DPH6: variants seen among roughly 807,000 people sequenced by gnomAD.
DPH6 encodes diphthamine biosynthesis 6.
DPH6 carries 33 observed loss-of-function variants against 38.2 expected under a neutral mutation model. The ratio of observed to expected loss-of-function variants is 0.86; its 90% CI spans 0.65 to 1.15. The LOEUF (loss-of-function observed/expected upper bound fraction) is 1.15, where lower values mean the gene tolerates loss of function less well. DPH6 is among the 50% of genes most tolerant of loss of function. DPH6 has a pLI of 0.00. For synonymous variants in DPH6, 108 were observed against 103.0 expected, an observed-to-expected ratio of 1.05 and a Z score of -0.30; for missense variants, 325 against 320.0, an observed-to-expected ratio of 1.02 and a Z score of -0.12.
At chr15:35,469,546 T>C (rs1015363344) in intron 3 of DPH6, among the ~76,000 whole-genome samples, 4 of 152,182 alleles carry the variant, frequency 2.6e-5, no homozygotes, top group Admixed American at 1.3e-4. Flanking sequence ...TCTGGTGTTA[T>C]ATGGCCGAGA....
chr15:35,303,319 T>C (rs1000036343), intron 3 of DPH6, among the ~76,000 whole-genome samples: 3 of 151,626 alleles, frequency 2.0e-5, no homozygotes, highest in African/African-American at 7.2e-5. Context: ...TTATTAAATA[T>C]AAAATATTTT....
At chr15:35,474,086 A>G (rs1231454161) in intron 3 of DPH6, among the ~76,000 whole-genome samples, 3 of 152,110 alleles carry the variant, frequency 2.0e-5, no homozygotes, top group African/African-American at 7.2e-5. Context: ...ACCTATGAAC[A>G]TTGTGAATTT....
At chr15:35,291,559 C>T (rs574935994) in intron 3 of DPH6, among the ~76,000 whole-genome samples, 2 of 152,174 alleles carry the variant, frequency 1.3e-5, no homozygotes, top group African/African-American at 4.8e-5. Flanking sequence ...ATATTTTATG[C>T]TCATTTGGAT....
chr15:35,502,453 T>C (rs540617604), intron 3 of DPH6, among the ~76,000 whole-genome samples: 410 of 152,212 alleles, frequency 2.7e-3, no homozygotes, highest in Non-Finnish European at 4.7e-3. Context: ...TTCAGAGTTC[T>C]GTTTGTTTTA....
At chr15:35,262,706 A>AAAAAAAAAAAAAAAAAAG (rs2051756753) in intron 3 of DPH6, among the ~76,000 whole-genome samples, 1 of 3,566 alleles carries the variant, frequency 2.8e-4, no homozygotes, top group African/African-American at 4.8e-4. Flanking sequence ...ACTCCGTCTC[A>AAAAAAAAAAAAAAAAAAG]AAAAAAAAAA....
rs751067585 is a variant in DPH6 at position 35,542,520 on chromosome 15, T to C, written c.24-13A>G. On this transcript the variant is annotated splice_polypyrimidine_tract_variant and intron_variant, in intron 1 of 8. Coordinates refer to ENST00000256538, the MANE Select transcript of DPH6 (RefSeq NM_080650.4). ...GTCCTTCCCACCACTAAACAATAAATCAAGAGAGGGACAAATATCATGCTA... is the reference window on the plus strand; with the variant it reads ...GTCCTTCCCACCACTAAACAATAAACCAAGAGAGGGACAAATATCATGCTA... 3.3e-6 allele frequency: 5 copies of C among 1,536,394 alleles called. No individual in the cohort carries two copies. The highest frequency in any genetic ancestry group is 1.4e-5 in the African/African-American group (1 of 74,050).
chr15:35,216,857 C>T (rs1035156137), downstream of DPH6, among the ~76,000 whole-genome samples: 2 of 152,084 alleles, frequency 1.3e-5, no homozygotes, highest in Admixed American at 6.6e-5. Context: ...CATAGAGGGC[C>T]CTTATATCTA....
chr15:35,431,932 C>T (rs576525753), intron 5 of DPH6, among the ~76,000 whole-genome samples: 7 of 152,198 alleles, frequency 4.6e-5, no homozygotes, highest in South Asian at 2.1e-4. Flanking sequence ...GGACTACAGG[C>T]GCCGGCCACA....
intron 5 of DPH6, among the ~76,000 whole-genome samples, chr15:35,418,065 T>A (rs1416237265): frequency 1.3e-5 from 2 of 152,162 alleles, no homozygotes; most frequent in Non-Finnish European, 2.9e-5. Context: ...TTTTCTTTTT[T>A]AAATTTATTC....
At chr15:35,328,206 C>T (rs556698684), downstream of DPH6, among the ~76,000 whole-genome samples, 1 of 152,236 alleles carries the variant, frequency 6.6e-6, no homozygotes, top group East Asian at 1.9e-4. Context: ...TCTGTGTCAT[C>T]ATACTTTCTC....
chr15:35,268,043 G>A (rs1384518794), intron 3 of DPH6, among the ~76,000 whole-genome samples: 2 of 151,976 alleles, frequency 1.3e-5, no homozygotes, highest in Non-Finnish European at 2.9e-5. Context: ...GGTGGCAGGC[G>A]CCTGTAGTCC....
chr15:35,382,055 T>G (rs2052874874), intron 6 of DPH6, 139 bp from the exon 7 acceptor site: 1 of 651,936 alleles, frequency 1.5e-6, no homozygotes. Context: ...ATTAATTATA[T>G]TTCTGCTTAA....
At chr15:35,387,795 C>A (rs150886657) in intron 6 of DPH6, among the ~76,000 whole-genome samples, 1 of 152,080 alleles carries the variant, frequency 6.6e-6, no homozygotes, top group East Asian at 1.9e-4. Context: ...CAAACAGGGA[C>A]AATTTGACTT....
At chr15:35,305,655 A>G (rs966231812) in intron 3 of DPH6, among the ~76,000 whole-genome samples, 16 of 152,306 alleles carry the variant, frequency 1.1e-4, no homozygotes, top group African/African-American at 3.1e-4. Flanking sequence ...AGCACGAAAG[A>G]TCTTTAAGAT....
the DPH6 span, among the ~76,000 whole-genome samples, chr15:35,196,296 C>A: frequency 6.6e-6 from 1 of 152,094 alleles, no homozygotes; most frequent in Non-Finnish European, 1.5e-5. Flanking sequence ...GATAAAAAAT[C>A]CCTAAAACTT....
At position 35,507,137 on chromosome 15, in the gene DPH6, T is replaced by C. The variant is rs77847743; in HGVS notation, c.312+31137A>G. ...TTTAGAAAATAATCAGACAGTAATA[T>C]CTATATTTAGAAAATAATCAGACAC... On this transcript the variant is annotated intron_variant, in intron 3 of 8. Coordinates refer to ENST00000256538, the MANE Select transcript of DPH6 (RefSeq NM_080650.4). 4.1e-4 allele frequency among the ~76,000 whole-genome samples: 63 copies of C among 152,222 alleles called. 1 individual carries two copies. Among genetic ancestry groups the C allele is most frequent in the African/African-American group, 1.5e-3 (63 of 41,578 alleles).
At chr15:35,499,898 C>T (rs1318456333) in intron 3 of DPH6, among the ~76,000 whole-genome samples, 1 of 152,168 alleles carries the variant, frequency 6.6e-6, no homozygotes, top group Non-Finnish European at 1.5e-5. Context: ...GAATGAGGTT[C>T]CTGGCAGTAC....
chr15:35,230,186 C>A (rs1033554637), intron 3 of DPH6, among the ~76,000 whole-genome samples: 1 of 152,158 alleles, frequency 6.6e-6, no homozygotes, highest in Non-Finnish European at 1.5e-5. Flanking sequence ...CCTTAGAAGC[C>A]CACCTGGTGT....
At chr15:35,261,627 G>GT (rs2051747347) in intron 3 of DPH6, among the ~76,000 whole-genome samples, 2 of 152,112 alleles carry the variant, frequency 1.3e-5, no homozygotes, top group South Asian at 4.1e-4. Context: ...GAGCTCAGGA[G>GT]TTTGAGACCA....
Sources: allele counts gnomAD v4.1 joint callset (sites outside exome capture counted in the v4.1 genomes callset), GRCh38; gene constraint gnomAD v4.1.1; transcripts MANE v1.5; gene names NCBI Gene and HGNC (gene_info 2026-07-23, HGNC 2026-07-21).